ZDHHC17: variants seen among roughly 807,000 people sequenced by gnomAD.
The protein encoded by ZDHHC17 is zDHHC palmitoyltransferase 17.
Under a neutral mutation model 90.3 loss-of-function variants are expected in ZDHHC17, and 40 were observed. That is an observed-to-expected ratio of 0.44 (90% confidence interval 0.34 to 0.58). ZDHHC17 has a LOEUF of 0.58. Among genes scored for constraint, ZDHHC17 ranks in the 20% least tolerant of loss-of-function variants. ZDHHC17 has a pLI of 0.01. For missense variants in ZDHHC17, 614 were observed against 780.8 expected, an observed-to-expected ratio of 0.79 and a Z score of 2.55; for synonymous variants, 235 against 252.4, an observed-to-expected ratio of 0.93 and a Z score of 0.65.
rs966711646 is a variant in ZDHHC17 at position 76,851,835 on chromosome 12, T to A, written c.*850T>A. 6.5e-6 allele frequency: 1 copy of A among 152,680 alleles called. No individual in the cohort carries two copies. Among genetic ancestry groups the A allele is most frequent in the African/African-American group, 2.4e-5 (1 of 41,466 alleles). 9.5% of individuals were successfully genotyped at this position (152,680 alleles called of 1,614,324 possible). Reference sequence around the variant, plus strand: ...CATTTTTAAGGGTTAAGGTGGTATTTTCAAGAAAAGGCAGAACAAATAATG... The same window carrying A: ...CATTTTTAAGGGTTAAGGTGGTATTATCAAGAAAAGGCAGAACAAATAATG... On this transcript the variant is annotated 3_prime_UTR_variant, in exon 17 of 17. Coordinates refer to ENST00000426126, the MANE Select transcript of ZDHHC17 (RefSeq NM_015336.4).
intron 16 of ZDHHC17, among the ~76,000 whole-genome samples, chr12:76,850,340 T>C (rs1242284473): frequency 6.6e-6 from 1 of 152,220 alleles, no homozygotes; most frequent in Non-Finnish European, 1.5e-5. Flanking sequence ...ATGCTATTTA[T>C]AATTATTTTG....
chr12:76,839,115 C>G (rs1457213989), intron 10 of ZDHHC17, among the ~76,000 whole-genome samples: 3 of 152,138 alleles, frequency 2.0e-5, no homozygotes, highest in Non-Finnish European at 4.4e-5. Context: ...GGATTAGGCT[C>G]CCACCCTTAT....
chr12:76,809,785 A>T lies in ZDHHC17; in HGVS notation c.471A>T (p.Gly157=), dbSNP rs763690138. The T allele has an allele frequency of 3.1e-6, 5 of 1,608,270 alleles. No homozygotes were observed. The highest frequency in any genetic ancestry group is 3.4e-6 in the Non-Finnish European group (4 of 1,177,358). ...ATCCTTCATTAATTGATGGAGAAGG[A>T]TGTAGCTGTATTCATCTGGCTGCTC... The part of the protein sequence containing the change: ...GADPSLIDGE[G]CSCIHLAAQF... Residue 157 remains glycine (G), a synonymous_variant, in exon 5 of 17, where the codon GGA becomes GGT. Coordinates refer to ENST00000426126, the MANE Select transcript of ZDHHC17 (RefSeq NM_015336.4).
At chr12:76,811,949 A>G (rs1244092610) in intron 5 of ZDHHC17, among the ~76,000 whole-genome samples, 3 of 152,182 alleles carry the variant, frequency 2.0e-5, no homozygotes, top group Non-Finnish European at 1.5e-5. Flanking sequence ...TTCATGTACA[A>G]AATTATTTAA....
intron 14 of ZDHHC17, among the ~76,000 whole-genome samples, chr12:76,847,826 C>G (rs573909247): frequency 1.3e-5 from 2 of 152,264 alleles, no homozygotes; most frequent in East Asian, 3.9e-4. Flanking sequence ...CCACTGCACT[C>G]CAGCCTGGGT....
intron 1 of ZDHHC17, among the ~76,000 whole-genome samples, chr12:76,788,688 A>ATT (rs763269507): frequency 0.015 from 1,457 of 98,652 alleles, 262 homozygotes; most frequent in African/African-American, 0.03. Context: ...TGGAATCGCA[A>ATT]TTTTTTTTTT....
chr12:76,823,261 G>A (rs1310204773), intron 8 of ZDHHC17, among the ~76,000 whole-genome samples: 74 of 152,134 alleles, frequency 4.9e-4, no homozygotes, highest in Non-Finnish European at 5.9e-5. Flanking sequence ...CACAACTCCA[G>A]CTCTAACTTG....
chr12:76,797,300 T>C (rs1016676207), intron 1 of ZDHHC17, 134 bp from the exon 2 acceptor site: 3 of 539,534 alleles, frequency 5.6e-6, no homozygotes, highest in African/African-American at 3.9e-5. Flanking sequence ...GTATAGACTT[T>C]AGAATAAGGT....
intron 1 of ZDHHC17, among the ~76,000 whole-genome samples, chr12:76,778,793 G>A (rs1161917796): frequency 6.6e-6 from 1 of 152,146 alleles, no homozygotes; most frequent in Non-Finnish European, 1.5e-5. Context: ...GTATGACTTT[G>A]TCAGGGCTCC....
At chr12:76,827,688 G>A (rs1953245650) in intron 9 of ZDHHC17, among the ~76,000 whole-genome samples, 1 of 151,936 alleles carries the variant, frequency 6.6e-6, no homozygotes, top group South Asian at 2.1e-4. Flanking sequence ...AAAGAATTCT[G>A]AAAATAATTC....
intron 1 of ZDHHC17, among the ~76,000 whole-genome samples, chr12:76,792,408 A>G (rs1437083718): frequency 3.9e-5 from 6 of 152,216 alleles, no homozygotes; most frequent in Non-Finnish European, 1.5e-5. Context: ...AATCCCATCA[A>G]GGTATGCAAA....
chr12:76,803,800 A>G (rs1279283874), intron 2 of ZDHHC17, among the ~76,000 whole-genome samples: 3 of 151,940 alleles, frequency 2.0e-5, no homozygotes, highest in Non-Finnish European at 2.9e-5. Context: ...TTGAATCAGC[A>G]CTCTTCTGGT....
At chr12:76,796,836 T>G (rs1952825122) in intron 1 of ZDHHC17, among the ~76,000 whole-genome samples, 1 of 152,190 alleles carries the variant, frequency 6.6e-6, no homozygotes, top group Non-Finnish European at 1.5e-5. Context: ...GATCTGATGA[T>G]GAGGTAAGAG....
chr12:76,801,593 G>A (rs1490703173), intron 2 of ZDHHC17, among the ~76,000 whole-genome samples: 2 of 152,034 alleles, frequency 1.3e-5, no homozygotes, highest in African/African-American at 2.4e-5. Context: ...GGCGGAGCTT[G>A]CAGTGAGCCG....
At chr12:76,766,155 A>T (rs1355766184) in intron 1 of ZDHHC17, among the ~76,000 whole-genome samples, 7 of 152,204 alleles carry the variant, frequency 4.6e-5, no homozygotes. Flanking sequence ...TTAGCTACCG[A>T]TCTTCAGGTT....
intron 1 of ZDHHC17, among the ~76,000 whole-genome samples, chr12:76,772,734 A>G (rs555699697): frequency 7.1e-6 from 1 of 140,956 alleles, no homozygotes; most frequent in Admixed American, 7.3e-5. Context: ...TTTAGTAGAG[A>G]CAGGGTTTCA....
chr12:76,813,580 T>C (rs1384088091), intron 5 of ZDHHC17: 4 of 253,936 alleles, frequency 1.6e-5, no homozygotes, highest in Non-Finnish European at 3.1e-5. Flanking sequence ...TAACAGTGGC[T>C]CACAGAGAAC....
At chr12:76,840,669 C>T (rs1472375608) in intron 10 of ZDHHC17, among the ~76,000 whole-genome samples, 1 of 152,036 alleles carries the variant, frequency 6.6e-6, no homozygotes, top group Non-Finnish European at 1.5e-5. Context: ...AAAATTAGCT[C>T]GTCTAATCTA....
At chr12:76,765,133 G>A (rs1262139033) in intron 1 of ZDHHC17, among the ~76,000 whole-genome samples, 2 of 152,200 alleles carry the variant, frequency 1.3e-5, no homozygotes, top group African/African-American at 4.8e-5. Context: ...GATTTTTAGT[G>A]ATCCACAGTG....
Sources: allele counts gnomAD v4.1 joint callset (sites outside exome capture counted in the v4.1 genomes callset), GRCh38; gene constraint gnomAD v4.1.1; transcripts MANE v1.5; gene names NCBI Gene and HGNC (gene_info 2026-07-23, HGNC 2026-07-21).